Variants in MIPOL1 observed in about 807,000 individuals in gnomAD.
MIPOL1 encodes the protein mirror-image polydactyly 1.
Under a neutral mutation model 60.9 loss-of-function variants are expected in MIPOL1, and 57 were observed. The observed-to-expected ratio is 0.94, with a 90% CI of 0.76 to 1.17. The LOEUF (loss-of-function observed/expected upper bound fraction) is 1.17. Ranked by LOEUF, MIPOL1 falls within the 50% of genes most tolerant of loss-of-function variation. The pLI is 0.00. For missense variants in MIPOL1, 551 were observed against 511.6 expected, an observed-to-expected ratio of 1.08 and a Z score of -0.74; for synonymous variants, 179 against 168.8, an observed-to-expected ratio of 1.06 and a Z score of -0.47.
chr14:37,372,360 A>G (rs1419584259), intron 10 of MIPOL1, among the ~76,000 whole-genome samples: 1 of 152,184 alleles, frequency 6.6e-6, no homozygotes, highest in African/African-American at 2.4e-5. Flanking sequence ...TCTAATAACC[A>G]GAGATCTTTT....
chr14:37,305,015 A>G (rs2153431445), intron 7 of MIPOL1, among the ~76,000 whole-genome samples: 2 of 151,856 alleles, frequency 1.3e-5, no homozygotes, highest in Admixed American at 1.3e-4. Context: ...TAAATCAGTA[A>G]AGTATTATGT....
intron 9 of MIPOL1, among the ~76,000 whole-genome samples, chr14:37,312,396 C>T (rs1485781231): frequency 2.0e-5 from 3 of 152,118 alleles, no homozygotes; most frequent in Non-Finnish European, 4.4e-5. Context: ...CAGTTGTGAG[C>T]CACCTGCCCA....
intron 10 of MIPOL1, among the ~76,000 whole-genome samples, chr14:37,409,433 A>C (rs1205682283): frequency 6.6e-6 from 1 of 152,202 alleles, no homozygotes; most frequent in Non-Finnish European, 1.5e-5. Flanking sequence ...AAAAGACAAA[A>C]AAATTATTTA....
intron 9 of MIPOL1, among the ~76,000 whole-genome samples, chr14:37,348,879 GAGCAGTGGCACGATCTCA>G (rs1469727840): frequency 6.9e-6 from 1 of 144,840 alleles, no homozygotes; most frequent in African/African-American, 2.6e-5. Flanking sequence ...CCGGGCTGGA[GAGCAGTGGCACGATCTCA>G]AGCTCGCTGC....
At chr14:37,265,512 A>G (rs2082811994) in intron 3 of MIPOL1, among the ~76,000 whole-genome samples, 1 of 152,202 alleles carries the variant, frequency 6.6e-6, no homozygotes, top group South Asian at 2.1e-4. Flanking sequence ...GAATAAATAA[A>G]TTAGAAGAGT....
intron 7 of MIPOL1, among the ~76,000 whole-genome samples, chr14:37,295,163 GA>G: frequency 6.6e-6 from 1 of 152,164 alleles, no homozygotes; most frequent in Non-Finnish European, 1.5e-5. Flanking sequence ...CATTCTTAAA[GA>G]AAAGAATTTT....
At chr14:37,295,061 T>C (rs4900745) in intron 7 of MIPOL1, among the ~76,000 whole-genome samples, 45,905 of 152,012 alleles carry the variant, frequency 0.3, 7,162 homozygotes, top group East Asian at 0.46. Flanking sequence ...AGAGAAAGGT[T>C]GGGTTACCCA....
At chr14:37,362,727 C>T (rs898697584) in intron 9 of MIPOL1, among the ~76,000 whole-genome samples, 3 of 152,144 alleles carry the variant, frequency 2.0e-5, no homozygotes, top group African/African-American at 4.8e-5. Flanking sequence ...TCATTCTCCC[C>T]GTCACTTTCC....
At chr14:37,209,779 C>CT (rs1197120877) in intron 1 of MIPOL1, among the ~76,000 whole-genome samples, 3 of 152,144 alleles carry the variant, frequency 2.0e-5, no homozygotes, top group Non-Finnish European at 4.4e-5. Context: ...ACATGGCTCA[C>CT]TGCAGCCTTG....
chr14:37,354,229 C>T (rs1027631701), intron 9 of MIPOL1, among the ~76,000 whole-genome samples: 1 of 151,712 alleles, frequency 6.6e-6, no homozygotes, highest in South Asian at 2.1e-4. Context: ...GAGTGTGATT[C>T]TTAATCCTGA....
chr14:37,217,769 C>T (rs1967997534), intron 1 of MIPOL1, among the ~76,000 whole-genome samples: 1 of 152,130 alleles, frequency 6.6e-6, no homozygotes, highest in African/African-American at 2.4e-5. Context: ...TATGACTGAC[C>T]CACAGTTAAT....
chr14:37,393,894 A>T (rs1310001845), intron 10 of MIPOL1, among the ~76,000 whole-genome samples: 7 of 148,444 alleles, frequency 4.7e-5, no homozygotes, highest in African/African-American at 1.7e-4. Context: ...TATCATTCTT[A>T]TGCCTTTGTG....
At chr14:37,230,464 G>A (rs530445131) in intron 1 of MIPOL1, among the ~76,000 whole-genome samples, 126 of 152,286 alleles carry the variant, frequency 8.3e-4, no homozygotes, top group Non-Finnish European at 1.7e-3. Context: ...TCTCTATCTT[G>A]TGGAGTAGCT....
At chr14:37,461,623 T>A (rs1156872465) in intron 11 of MIPOL1, among the ~76,000 whole-genome samples, 1 of 152,172 alleles carries the variant, frequency 6.6e-6, no homozygotes, top group East Asian at 1.9e-4. Flanking sequence ...AAAAGCAGGT[T>A]AGTTACTTCC....
At chr14:37,345,015 CAAA>C (rs11303363) in intron 9 of MIPOL1, among the ~76,000 whole-genome samples, 13 of 128,694 alleles carry the variant, frequency 1.0e-4, no homozygotes, top group African/African-American at 8.7e-5. Context: ...AGACTCTTAT[CAAA>C]AAAAAAAAAA....
intron 12 of MIPOL1, among the ~76,000 whole-genome samples, chr14:37,536,632 T>C (rs890374536): frequency 7.2e-5 from 11 of 152,182 alleles, no homozygotes; most frequent in Non-Finnish European, 1.3e-4. Context: ...TTTGAGTTTT[T>C]TCTCGCTCTC....
intron 10 of MIPOL1, among the ~76,000 whole-genome samples, chr14:37,408,641 A>T (rs2093632103): frequency 6.6e-6 from 1 of 152,176 alleles, no homozygotes; most frequent in Non-Finnish European, 1.5e-5. Flanking sequence ...AACAAAACAA[A>T]AAAAGTCAGG....
intron 10 of MIPOL1, among the ~76,000 whole-genome samples, chr14:37,422,158 A>G (rs1373844953): frequency 6.6e-6 from 1 of 152,066 alleles, no homozygotes; most frequent in Admixed American, 6.6e-5. Context: ...TTCTTTTTAA[A>G]TTACTACGTT....
intron 6 of MIPOL1, among the ~76,000 whole-genome samples, chr14:37,282,238 A>ATATTATTATTATTATTATTAT (rs71124802): frequency 6.8e-6 from 1 of 146,396 alleles, no homozygotes; most frequent in Non-Finnish European, 1.5e-5. Context: ...TATTGCAGTA[A>ATATTATTATTATTATTATTAT]TATTATTATT....
Sources: gnomAD v4.1 joint callset for allele counts (sites outside exome capture counted in the v4.1 genomes callset) on GRCh38, gnomAD v4.1.1 for gene constraint, MANE v1.5 for transcripts, NCBI Gene and HGNC (gene_info 2026-07-23, HGNC 2026-07-21) for gene names.